Variants in TNS3 observed in about 807,000 individuals in gnomAD.
TNS3 encodes the protein tensin-3.
Under a neutral mutation model 140.9 loss-of-function variants are expected in TNS3, and 45 were observed. That is an observed-to-expected ratio of 0.32 (90% CI 0.25 to 0.41). TNS3 has a LOEUF of 0.41. Ranked by LOEUF, TNS3 falls within the 10% of genes least tolerant of loss-of-function variation. TNS3 has a pLI of 1.00. For missense variants in TNS3, 1,716 were observed against 1,906.7 expected (o/e 0.90, Z 1.86); for synonymous variants, 815 against 788.4 (o/e 1.03, Z -0.56).
At chr7:47,313,580 G>A (rs1320166361) in intron 20 of TNS3, among the ~76,000 whole-genome samples, 6 of 152,208 alleles carry the variant, frequency 3.9e-5, no homozygotes, top group Non-Finnish European at 8.8e-5. Flanking sequence ...AGCACAGCAT[G>A]CAGTACCTGT....
At chr7:47,279,971 C>T (rs1785054871) in intron 30 of TNS3, 193 bp downstream of exon 30, 2 of 657,680 alleles carry the variant, frequency 3.0e-6, no homozygotes, top group East Asian at 2.7e-5. Context: ...CAGCCAACAG[C>T]CGGCAGAAAA....
At chr7:47,555,258 G>A (rs1001434410) in intron 1 of TNS3, among the ~76,000 whole-genome samples, 6 of 151,660 alleles carry the variant, frequency 4.0e-5, no homozygotes, top group Non-Finnish European at 4.4e-5. Context: ...AAAACTAGCC[G>A]GGTGTGGTGG....
At chr7:47,537,868 T>C (rs1216385879) in intron 1 of TNS3, among the ~76,000 whole-genome samples, 1 of 151,912 alleles carries the variant, frequency 6.6e-6, no homozygotes, top group Non-Finnish European at 1.5e-5. Context: ...CAGGTAAGGA[T>C]TTCAAGCAAA....
chr7:47,341,359 C>G (rs1789007773), intron 20 of TNS3, among the ~76,000 whole-genome samples: 1 of 152,054 alleles, frequency 6.6e-6, no homozygotes, highest in African/African-American at 2.4e-5. Context: ...TCCAGTGAAA[C>G]CTGAAGATTT....
At chr7:47,423,678 T>G (rs1794497386) in intron 10 of TNS3, among the ~76,000 whole-genome samples, 1 of 152,246 alleles carries the variant, frequency 6.6e-6, no homozygotes. Flanking sequence ...TGCTTTCATG[T>G]TAGAACAGTT....
chr7:47,310,106 C>T (rs1300935770), intron 20 of TNS3, among the ~76,000 whole-genome samples: 2 of 152,160 alleles, frequency 1.3e-5, no homozygotes, highest in Non-Finnish European at 2.9e-5. Flanking sequence ...TCAGAGCTAC[C>T]AAGGCACCAG....
Position 47,346,186 on chromosome 7 carries a change from C to A in TNS3, c.2451+1G>T. The stretch of plus-strand genomic sequence containing the variant: ...AACTGGGACCTGGCTGTGGCACATA[C>A]CTCTTTGACGTCCGCTGGTGAGGGG... On this transcript the variant is annotated splice_donor_variant, in intron 18 of 30. Coordinates refer to ENST00000311160, the MANE Select transcript of TNS3 (RefSeq NM_022748.12). LOFTEE classifies it high-confidence loss of function. 6.2e-7 allele frequency: 1 copy of A among 1,613,788 alleles called. No homozygotes were observed. Among genetic ancestry groups the A allele is most frequent in the Non-Finnish European group, 8.5e-7 (1 of 1,179,750 alleles).
intron 2 of TNS3, among the ~76,000 whole-genome samples, chr7:47,517,096 T>C (rs1798803245): frequency 6.6e-6 from 1 of 152,138 alleles, no homozygotes. Flanking sequence ...AGCTCATGTG[T>C]TGTATCCCAA....
At chr7:47,568,276 T>C (rs1364611452) in intron 1 of TNS3, among the ~76,000 whole-genome samples, 1 of 152,146 alleles carries the variant, frequency 6.6e-6, no homozygotes, top group Admixed American at 6.5e-5. Flanking sequence ...CACGGGATCG[T>C]CTTCCTTCAC....
At chr7:47,287,630 C>T (rs1470353489) in intron 27 of TNS3, among the ~76,000 whole-genome samples, 1 of 152,214 alleles carries the variant, frequency 6.6e-6, no homozygotes, top group African/African-American at 2.4e-5. Context: ...CAGGTGAAGA[C>T]GACACTAGCT....
chr7:47,374,897 C>T (rs540420949), intron 16 of TNS3, among the ~76,000 whole-genome samples: 50 of 152,066 alleles, frequency 3.3e-4, no homozygotes, highest in Non-Finnish European at 6.2e-4. Context: ...GTGAGGAGCC[C>T]CCACCAGATG....
At chr7:47,355,379 C>A (rs926011390) in intron 17 of TNS3, among the ~76,000 whole-genome samples, 1 of 152,148 alleles carries the variant, frequency 6.6e-6, no homozygotes, top group Non-Finnish European at 1.5e-5. Context: ...GGAATCCTCA[C>A]GTGCTCTGAG....
intron 4 of TNS3, among the ~76,000 whole-genome samples, chr7:47,468,817 A>C (rs1796827617): frequency 6.6e-6 from 1 of 152,264 alleles, no homozygotes; most frequent in Non-Finnish European, 1.5e-5. Flanking sequence ...AGCCAAAGGC[A>C]TCACATTATT....
Position 47,303,422 on chromosome 7 carries a change from A to T in TNS3, c.2985T>A (p.Ala995=), listed in dbSNP as rs1488010006. The change falls in exon 22 of 31, where the codon GCT becomes GCA. Residue 995 remains alanine, a synonymous_variant. Coordinates refer to ENST00000311160, the MANE Select transcript of TNS3 (RefSeq NM_022748.12). ...GGGACAGCTCATGGCTGTGGAAAGG[A>T]GCCTGGAGCTCTGACGGCGGGAAGC... ...LSCFPPSELQ[A]PFHSHELSLA... 1 of 1,613,700 alleles carries T rather than the reference A, an allele frequency of 6.2e-7. No individual in the cohort carries two copies. Among genetic ancestry groups the T allele is most frequent in the East Asian group, 2.2e-5 (1 of 44,848 alleles).
At chr7:47,415,246 C>T (rs1400051414) in intron 10 of TNS3, 40 bp from the exon 11 acceptor site, 6 of 1,430,662 alleles carry the variant, frequency 4.2e-6, no homozygotes, top group Admixed American at 4.2e-5. Context: ...CCAGAAGTGT[C>T]TTCAGCCTCT....
intron 4 of TNS3, among the ~76,000 whole-genome samples, chr7:47,456,064 AGTGACAC>A (rs1191018275): frequency 6.6e-6 from 1 of 152,198 alleles, no homozygotes; most frequent in Non-Finnish European, 1.5e-5. Context: ...TGCATAGGGG[AGTGACAC>A]AATCTCAATT....
chr7:47,369,762 C>T, intron 16 of TNS3, 141 bp from the exon 17 acceptor site: 1 of 1,020,062 alleles, frequency 9.8e-7, no homozygotes, highest in African/African-American at 1.6e-5. Flanking sequence ...AAAGATTCCT[C>T]TAACATCACA....
At chr7:47,290,812 T>A (rs1785653313) in intron 27 of TNS3, among the ~76,000 whole-genome samples, 1 of 152,144 alleles carries the variant, frequency 6.6e-6, no homozygotes. Context: ...TACCATACAA[T>A]CCAGGAATGC....
intron 1 of TNS3, among the ~76,000 whole-genome samples, chr7:47,564,187 CTGTCTCAAAAAAAAAAA>C (rs1463179353): frequency 1.1e-5 from 1 of 88,064 alleles, no homozygotes; most frequent in Non-Finnish European, 2.1e-5. Context: ...GAGCGAGACT[CTGTCTCAAAAAAAAAAA>C]AAAAAAAAAC....
Sources: allele counts gnomAD v4.1 joint callset (sites outside exome capture counted in the v4.1 genomes callset), GRCh38; gene constraint gnomAD v4.1.1; transcripts MANE v1.5; gene names NCBI Gene and HGNC (gene_info 2026-07-23, HGNC 2026-07-21).